Variants in PGM1 observed in about 807,000 individuals in gnomAD.
The protein encoded by PGM1 is phosphoglucomutase-1.
In PGM1, 52 loss-of-function variants were observed where a neutral mutation model predicts 55.6. That is an observed-to-expected ratio of 0.94 (90% CI 0.75 to 1.18). The LOEUF (loss-of-function observed/expected upper bound fraction) is 1.18, where lower values mean the gene tolerates loss of function less well. PGM1 is among the 50% of genes most tolerant of loss of function. PGM1 has a pLI of 0.00. For synonymous variants in PGM1, 287 were observed against 271.7 expected, an observed-to-expected ratio of 1.06 and a Z score of -0.55; for missense variants, 724 against 729.3, an observed-to-expected ratio of 0.99 and a Z score of 0.08.
At chr1:63,633,922 ATATATATATATTT>A (rs1649279233) in intron 4 of PGM1, among the ~76,000 whole-genome samples, 2 of 57,044 alleles carry the variant, frequency 3.5e-5, no homozygotes, top group African/African-American at 2.7e-4. Flanking sequence ...GTGTGTGTAT[ATATATATATATTT>A]TTTTTTTTTT....
chr1:63,603,704 T>A (rs927611146), intron 1 of PGM1, among the ~76,000 whole-genome samples: 3 of 152,056 alleles, frequency 2.0e-5, no homozygotes, highest in African/African-American at 7.2e-5. Context: ...ATCCTTAAAG[T>A]CCCATAGGAA....
intron 4 of PGM1, among the ~76,000 whole-genome samples, chr1:63,633,905 TGTGTGTGTGTG>T (rs1649274066): frequency 2.0e-5 from 1 of 50,766 alleles, no homozygotes; most frequent in African/African-American, 1.0e-4. Context: ...TGTGTGTGTG[TGTGTGTGTGTG>T]TGTATATATA....
chr1:63,601,337 T>C (rs1570470569), intron 1 of PGM1, among the ~76,000 whole-genome samples: 1 of 152,240 alleles, frequency 6.6e-6, no homozygotes, highest in African/African-American at 2.4e-5. Context: ...GTAAAAAGCC[T>C]ATTTTTAAAT....
At chr1:63,654,298 T>G in intron 9 of PGM1, 34 bp from the exon 10 acceptor site, 1 of 1,610,686 alleles carries the variant, frequency 6.2e-7, no homozygotes, top group Non-Finnish European at 8.5e-7. Flanking sequence ...TCTCCCAGCA[T>G]TTGGGGAAAA....
intron 4 of PGM1, among the ~76,000 whole-genome samples, chr1:63,633,187 G>T (rs1476014996): frequency 3.9e-5 from 6 of 152,200 alleles, no homozygotes; most frequent in Non-Finnish European, 7.3e-5. Context: ...ATGAAAGAAA[G>T]ATCTAGAGTG....
chr1:63,604,729 C>T (rs12087436), intron 1 of PGM1, among the ~76,000 whole-genome samples: 4,950 of 152,240 alleles, frequency 0.033, 283 homozygotes, highest in African/African-American at 0.11. Context: ...CATTGAAACA[C>T]AGCACTCCTT....
At position 63,622,006 on chromosome 1, in the gene PGM1, A is replaced by G. The variant is rs185186518; in HGVS notation, c.247-7419A>G. Among the ~76,000 whole-genome samples, 212 of 152,300 alleles carry G rather than the reference A, an allele frequency of 1.4e-3. 1 individual carries two copies. The Middle Eastern group carries it at 0.02, about 15-fold the overall frequency. On this transcript the variant is annotated intron_variant, in intron 1 of 10. Coordinates refer to ENST00000371084, the MANE Select transcript of PGM1 (RefSeq NM_002633.3). ...AAAAAGACTCAGATTTTGTTGCTCA[A>G]GGGATGATTCACTTTTCCCTTCAAA...
chr1:63,613,019 C>T (rs1648609833), intron 1 of PGM1, among the ~76,000 whole-genome samples: 1 of 152,104 alleles, frequency 6.6e-6, no homozygotes, highest in Admixed American at 6.6e-5. Flanking sequence ...TGTGCCCAAC[C>T]CCATTCCAGG....
intron 1 of PGM1, among the ~76,000 whole-genome samples, chr1:63,610,564 A>G (rs1648538219): frequency 6.6e-6 from 1 of 152,126 alleles, no homozygotes; most frequent in Admixed American, 6.5e-5. Context: ...TTCTTTACTC[A>G]TTTGTGAAAT....
intron 7 of PGM1, among the ~76,000 whole-genome samples, chr1:63,641,370 G>A (rs76740766): frequency 9.1e-4 from 138 of 152,222 alleles, no homozygotes; most frequent in African/African-American, 3.2e-3. Flanking sequence ...GCCATAGATC[G>A]CTGTTGTGAA....
chr1:63,657,102 C>T (rs1334077362), intron 10 of PGM1, among the ~76,000 whole-genome samples: 1 of 152,162 alleles, frequency 6.6e-6, no homozygotes, highest in Non-Finnish European at 1.5e-5. Flanking sequence ...TAAACATAAA[C>T]AATTTTTATT....
At chr1:63,655,463 G>T (rs1649936618) in intron 10 of PGM1, among the ~76,000 whole-genome samples, 1 of 152,190 alleles carries the variant, frequency 6.6e-6, no homozygotes, top group African/African-American at 2.4e-5. Flanking sequence ...CTGCAGCTTG[G>T]TAAGCTGGGT....
chr1:63,654,248 A>G, intron 9 of PGM1, 84 bp from the exon 10 acceptor site: 2 of 1,337,554 alleles, frequency 1.5e-6, no homozygotes, highest in Non-Finnish European at 2.1e-6. Flanking sequence ...GGATGAAATT[A>G]CATCCCCAAA....
intron 5 of PGM1, 72 bp downstream of exon 5, chr1:63,635,091 G>T (rs1649329188): frequency 3.1e-6 from 4 of 1,310,242 alleles, no homozygotes; most frequent in Non-Finnish European, 3.3e-6. Context: ...AAAAAAGTGG[G>T]CTGCTTCTGC....
intron 1 of PGM1, among the ~76,000 whole-genome samples, chr1:63,602,280 G>T (rs547466266): frequency 8.8e-4 from 134 of 152,304 alleles, no homozygotes; most frequent in African/African-American, 3.2e-3. Context: ...CCAAACAGAA[G>T]AATTTTGGGA....
chr1:63,641,310 A>T (rs1649509867), intron 7 of PGM1, among the ~76,000 whole-genome samples: 1 of 152,158 alleles, frequency 6.6e-6, no homozygotes, highest in Admixed American at 6.5e-5. Flanking sequence ...AAAAAAGAAA[A>T]TTTTTGTGTA....
intron 1 of PGM1, among the ~76,000 whole-genome samples, chr1:63,619,792 T>G (rs1157576806): frequency 1.3e-5 from 2 of 152,200 alleles, no homozygotes; most frequent in East Asian, 3.8e-4. Context: ...CCCGCTATGA[T>G]GGCTCCTTTC....
intron 3 of PGM1, among the ~76,000 whole-genome samples, chr1:63,631,099 T>A (rs1240406247): frequency 6.6e-6 from 1 of 152,198 alleles, no homozygotes; most frequent in African/African-American, 2.4e-5. Context: ...AGAACAACAA[T>A]ACTAAGTTCT....
chr1:63,614,799 A>G (rs1648666334), intron 1 of PGM1, among the ~76,000 whole-genome samples: 1 of 152,240 alleles, frequency 6.6e-6, no homozygotes, highest in Non-Finnish European at 1.5e-5. Context: ...GCTGAGAATA[A>G]TAAGCCCCTA....
Sources: allele counts gnomAD v4.1 joint callset (sites outside exome capture counted in the v4.1 genomes callset), GRCh38; gene constraint gnomAD v4.1.1; transcripts MANE v1.5; gene names NCBI Gene and HGNC (gene_info 2026-07-23, HGNC 2026-07-21).